FAM120B: variants seen among roughly 807,000 people sequenced by gnomAD.
The protein encoded by FAM120B is family with sequence similarity 120 member B, also known as constitutive coactivator of peroxisome proliferator-activated receptor gamma.
In FAM120B, 83 loss-of-function variants were observed where a neutral mutation model predicts 96.3. That is an observed-to-expected ratio of 0.86 (90% CI 0.72 to 1.03). The LOEUF is 1.03. FAM120B is among the 50% of genes least tolerant of loss of function. The pLI is 0.00. For missense variants in FAM120B, 1,027 were observed against 1,121.2 expected (o/e 0.92, Z 1.20); for synonymous variants, 407 against 402.7 (o/e 1.01, Z -0.13).
In FAM120B at chr6:170,368,502, G is replaced by A. The variant is rs75927383; in HGVS notation, c.2283+10184G>A. Among the ~76,000 whole-genome samples the A allele has an allele frequency of 0.01, 1,570 of 152,230 alleles. 67 individuals are homozygous for A. In the East Asian group the frequency reaches 0.1, roughly 10 times the overall value. ...CAAGCCGTTAAGATGGCGCTTTACC[G>A]ATTAAATCCCTAAGACAACCATGAA... On this transcript the variant is annotated intron_variant, in intron 6 of 10. Coordinates refer to ENST00000476287, the MANE Select transcript of FAM120B (RefSeq NM_032448.3).
chr6:170,348,040 T>C, intron 4 of FAM120B, 111 bp from the exon 5 acceptor site: 2 of 900,102 alleles, frequency 2.2e-6, no homozygotes, highest in Non-Finnish European at 3.3e-6. Context: ...CTAGTTCCTT[T>C]TACATCAGGA....
At chr6:170,346,702 T>C (rs1277888399) in intron 4 of FAM120B, among the ~76,000 whole-genome samples, 3 of 152,106 alleles carry the variant, frequency 2.0e-5, no homozygotes, top group African/African-American at 4.8e-5. Context: ...TCATGAAATA[T>C]CATTTTTACT....
chr6:170,392,211 C>T (rs956382901), intron 8 of FAM120B, among the ~76,000 whole-genome samples: 2 of 151,942 alleles, frequency 1.3e-5, no homozygotes, highest in South Asian at 4.2e-4. Flanking sequence ...GGGTTTTTTG[C>T]TTTTTGTTTT....
upstream of FAM120B, chr6:170,306,592 ACGCCGCCGGCGCCTGCG>A (rs1784295959): frequency 6.6e-6 from 1 of 152,152 alleles, no homozygotes; most frequent in Admixed American, 6.5e-5. Flanking sequence ...GCGGCGTCCC[ACGCCGCCGGCGCCTGCG>A]CGCCGCGTCC....
rs564540676 is a variant in FAM120B, at chr6:170,362,426, A to G, written c.2283+4108A>G. 2.2e-3 allele frequency among the ~76,000 whole-genome samples: 337 copies of G among 152,358 alleles called. 1 individual carries two copies. The highest frequency in any genetic ancestry group is 0.017 in the Middle Eastern group (5 of 294). ...CCATGTACTGTCTAGGAATGTGGAA[A>G]GAGGTATAATTGTCTACCTGCCACT... On this transcript the variant is annotated intron_variant, in intron 6 of 10. Coordinates refer to ENST00000476287, the MANE Select transcript of FAM120B (RefSeq NM_032448.3).
At chr6:170,360,598 G>A (rs929509585) in intron 6 of FAM120B, among the ~76,000 whole-genome samples, 12 of 152,262 alleles carry the variant, frequency 7.9e-5, no homozygotes, top group East Asian at 1.9e-4. Flanking sequence ...CAGCACTGGC[G>A]TATACAAACG....
chr6:170,354,768 GAA>G (rs59093113), intron 5 of FAM120B, among the ~76,000 whole-genome samples: 16 of 146,904 alleles, frequency 1.1e-4, no homozygotes, highest in East Asian at 3.9e-4. Context: ...CAAAAAAAAA[GAA>G]AAAAAAAAAT....
chr6:170,380,936 A>G (rs1009822512), intron 6 of FAM120B, among the ~76,000 whole-genome samples: 7 of 152,226 alleles, frequency 4.6e-5, no homozygotes, highest in African/African-American at 1.4e-4. Context: ...GAGAGAAACA[A>G]TTTTGGAGCT....
chr6:170,352,964 A>T (rs575962306), intron 5 of FAM120B, among the ~76,000 whole-genome samples: 4 of 151,990 alleles, frequency 2.6e-5, no homozygotes, highest in East Asian at 3.9e-4. Flanking sequence ...GTTTTTTTTT[A>T]AATTAATAGA....
chr6:170,298,844 T>C (rs1043890257), intron 1 of FAM120B, among the ~76,000 whole-genome samples: 3 of 152,214 alleles, frequency 2.0e-5, no homozygotes, highest in African/African-American at 7.2e-5. Flanking sequence ...TCTCAGTGGC[T>C]AGAGCTCAGG....
rs956783395 is a variant in FAM120B, at chr6:170,320,449, A to C, written c.1734+1325A>C. ...TCAGGTAAAATACAAAAGAGCTAGA[A>C]TTAGGAAAATGGCAGTGGAAATAGG... On this transcript the variant is annotated intron_variant, in intron 2 of 10. Transcript: ENST00000476287. Among the ~76,000 whole-genome samples, 4 of 152,244 alleles carry C rather than the reference A, an allele frequency of 2.6e-5. 1 individual carries two copies. The highest frequency in any genetic ancestry group is 2.6e-4 in the Admixed American group (4 of 15,288).
At chr6:170,332,755 C>A (rs988672517) in intron 4 of FAM120B, among the ~76,000 whole-genome samples, 1 of 152,034 alleles carries the variant, frequency 6.6e-6, no homozygotes, top group African/African-American at 2.4e-5. Flanking sequence ...GTCAGGAAAA[C>A]CTGCAAAAGG....
chr6:170,369,072 G>A (rs1054443169), intron 6 of FAM120B, among the ~76,000 whole-genome samples: 1 of 152,166 alleles, frequency 6.6e-6, no homozygotes, highest in East Asian at 1.9e-4. Flanking sequence ...AATCTTGAAT[G>A]TTTTACTGGG....
At chr6:170,294,243 CA>C (rs1322913007), upstream of FAM120B, among the ~76,000 whole-genome samples, 1 of 152,220 alleles carries the variant, frequency 6.6e-6, no homozygotes, top group Non-Finnish European at 1.5e-5. This position sits in a 1 kb window ranked among gnomAD's most constrained non-coding sequence, Gnocchi z 7.9. Flanking sequence ...TAGGAAAAAA[CA>C]GGAAACTTTC....
intron 4 of FAM120B, among the ~76,000 whole-genome samples, chr6:170,343,736 G>A (rs1388128853): frequency 6.6e-6 from 1 of 152,090 alleles, no homozygotes; most frequent in Non-Finnish European, 1.5e-5. Flanking sequence ...TAAGTCTAGG[G>A]TGGGACTGAA....
chr6:170,317,165 TCAAGTAATTAACTTATACTTAGGTA>T (rs1358342749), intron 1 of FAM120B, among the ~76,000 whole-genome samples, 180 bp from the exon 2 acceptor site: 2 of 152,236 alleles, frequency 1.3e-5, no homozygotes, highest in Admixed American at 1.3e-4. Context: ...AAAGTCCAAC[TCAAGTAATTAACTTATACTTAGGTA>T]AAGTTCCTCA....
intron 6 of FAM120B, among the ~76,000 whole-genome samples, chr6:170,385,405 A>G (rs1021793333): frequency 3.3e-5 from 5 of 152,242 alleles, no homozygotes; most frequent in African/African-American, 1.2e-4. Flanking sequence ...CTAAGTATAC[A>G]TCTCTATAAA....
At chr6:170,372,956 T>C (rs1583284676) in intron 6 of FAM120B, among the ~76,000 whole-genome samples, 1 of 152,240 alleles carries the variant, frequency 6.6e-6, no homozygotes, top group East Asian at 1.9e-4. Context: ...TTCCGCCAAC[T>C]TGTAGGACAA....
chr6:170,332,664 C>G (rs1174192351), intron 4 of FAM120B, among the ~76,000 whole-genome samples: 3 of 152,016 alleles, frequency 2.0e-5, no homozygotes. Context: ...CGCCATTGCA[C>G]TCCAGCCTGG....
Sources: allele counts gnomAD v4.1 joint callset (sites outside exome capture counted in the v4.1 genomes callset), GRCh38; gene constraint gnomAD v4.1.1; non-coding constraint Gnocchi (gnomAD v3.1); transcripts MANE v1.5; gene names NCBI Gene and HGNC (gene_info 2026-07-23, HGNC 2026-07-21).